The following CNTNAP2 variants were observed in gnomAD, a reference collection of about 807,000 sequenced individuals.
CNTNAP2 encodes contactin-associated protein-like 2.
In CNTNAP2, 98 loss-of-function variants were observed where a neutral mutation model predicts 155.2. The ratio of observed to expected loss-of-function variants is 0.63; its 90% CI spans 0.54 to 0.75. The LOEUF is 0.75. Among genes scored for constraint, CNTNAP2 ranks in the 30% least tolerant of loss-of-function variants. CNTNAP2 has a pLI of 0.00. For synonymous variants in CNTNAP2, 651 were observed against 631.2 expected (o/e 1.03, Z -0.47); for missense variants, 1,727 against 1,688.1 (o/e 1.02, Z -0.40).
intron 1 of CNTNAP2, among the ~76,000 whole-genome samples, chr7:146,661,352 G>C (rs1401631949): frequency 6.6e-6 from 1 of 151,690 alleles, no homozygotes; most frequent in African/African-American, 2.4e-5. Flanking sequence ...TCATGTGTAC[G>C]GTTCTACGAA....
intron 1 of CNTNAP2, among the ~76,000 whole-genome samples, chr7:146,546,686 C>T (rs1363424738): frequency 6.6e-6 from 1 of 151,832 alleles, no homozygotes; most frequent in African/African-American, 2.4e-5. Flanking sequence ...ACTCACAGTT[C>T]CACATGAGGG....
chr7:147,616,980 G>A (rs1336746850), intron 12 of CNTNAP2, among the ~76,000 whole-genome samples: 2 of 152,140 alleles, frequency 1.3e-5, no homozygotes, highest in Non-Finnish European at 2.9e-5. Context: ...CTACGATCGT[G>A]TGCTAGACCT....
chr7:147,139,894 T>C (rs1333209120), intron 8 of CNTNAP2, among the ~76,000 whole-genome samples: 1 of 152,094 alleles, frequency 6.6e-6, no homozygotes, highest in East Asian at 1.9e-4. Context: ...TTACCTTTGG[T>C]AAACATGGTA....
Position 147,392,969 on chromosome 7 carries a change from C to T in CNTNAP2, c.1499-2640C>T, listed in dbSNP as rs148782841. 5.8e-3 allele frequency among the ~76,000 whole-genome samples: 883 copies of T among 152,068 alleles called. 5 individuals carry two copies. The highest frequency in any genetic ancestry group is 0.011 in the Admixed American group (174 of 15,248). On this transcript the variant is annotated intron_variant, in intron 9 of 23. Transcript: ENST00000361727. ...GTGTCACCTTAAAATTAATTTCAAA[C>T]AATGATGAATATTCATTACCTCTCC... is the stretch of plus-strand genomic sequence containing the variant.
chr7:147,096,533 T>G (rs1294336728), intron 4 of CNTNAP2, among the ~76,000 whole-genome samples: 1 of 152,218 alleles, frequency 6.6e-6, no homozygotes, highest in Non-Finnish European at 1.5e-5. Flanking sequence ...CTTGGTCATA[T>G]TGCTATCAAA....
At chr7:148,300,636 C>T (rs10272785) in intron 21 of CNTNAP2, among the ~76,000 whole-genome samples, 56,747 of 149,680 alleles carry the variant, frequency 0.38, 11,705 homozygotes, top group South Asian at 0.56. Context: ...ATGTTCATAG[C>T]AGCATTATTC....
intron 1 of CNTNAP2, among the ~76,000 whole-genome samples, chr7:146,585,070 T>G (rs1484267614): frequency 6.6e-6 from 1 of 152,086 alleles, no homozygotes; most frequent in Non-Finnish European, 1.5e-5. Context: ...TTGGTGGTCC[T>G]AAAATTATTG....
intron 14 of CNTNAP2, among the ~76,000 whole-genome samples, chr7:147,910,094 C>T (rs1035596458): frequency 1.3e-5 from 2 of 152,156 alleles, no homozygotes; most frequent in South Asian, 2.1e-4. Context: ...AAGCCAGAAA[C>T]ATATTTATTT....
intron 2 of CNTNAP2, among the ~76,000 whole-genome samples, chr7:146,785,420 T>G (rs1260217481): frequency 6.6e-6 from 1 of 152,380 alleles, no homozygotes; most frequent in South Asian, 2.1e-4. Context: ...TTTCATGCTG[T>G]ACTTATGCAG....
At chr7:146,471,100 C>CA (rs1163600800) in intron 1 of CNTNAP2, among the ~76,000 whole-genome samples, 1 of 151,872 alleles carries the variant, frequency 6.6e-6, no homozygotes, top group African/African-American at 2.4e-5. Flanking sequence ...TATTATTCCC[C>CA]AAAAAGAGTT....
At chr7:148,125,896 T>G (rs1028110223) in intron 16 of CNTNAP2, among the ~76,000 whole-genome samples, 30 of 151,720 alleles carry the variant, frequency 2.0e-4, no homozygotes, top group African/African-American at 7.0e-4. Flanking sequence ...AGAGACAGGG[T>G]TTCATCATGT....
At chr7:146,173,581 A>G (rs66607831) in intron 1 of CNTNAP2, among the ~76,000 whole-genome samples, 27,987 of 152,092 alleles carry the variant, frequency 0.18, 3,091 homozygotes, top group Middle Eastern at 0.3. Context: ...TTCCTGACCT[A>G]TTTGACAAAT....
intron 1 of CNTNAP2, among the ~76,000 whole-genome samples, chr7:146,668,432 GTGTGTGT>G (rs1463228775): frequency 2.1e-5 from 1 of 48,096 alleles, no homozygotes; most frequent in Non-Finnish European, 5.8e-5. Flanking sequence ...ATTTTCCTGT[GTGTGTGT>G]GTGTGTGTGT....
chr7:146,472,078 A>G (rs1796807387), intron 1 of CNTNAP2, among the ~76,000 whole-genome samples: 2 of 152,214 alleles, frequency 1.3e-5, no homozygotes, highest in South Asian at 4.1e-4. Flanking sequence ...AGCTCAATTT[A>G]ACTTTCCTAC....
At chr7:147,101,871 G>C (rs1037273956) in intron 4 of CNTNAP2, among the ~76,000 whole-genome samples, 2 of 152,248 alleles carry the variant, frequency 1.3e-5, no homozygotes, top group African/African-American at 4.8e-5. Flanking sequence ...AGCACGGCAG[G>C]CCAGGGTGGT....
intron 9 of CNTNAP2, among the ~76,000 whole-genome samples, chr7:147,389,247 G>T (rs1372490989): frequency 6.6e-6 from 1 of 152,176 alleles, no homozygotes; most frequent in African/African-American, 2.4e-5. Context: ...AATCTGCCAA[G>T]ATCAAATTGA....
chr7:146,569,916 A>AT (rs1798415672), intron 1 of CNTNAP2, among the ~76,000 whole-genome samples: 1 of 152,166 alleles, frequency 6.6e-6, no homozygotes, highest in Non-Finnish European at 1.5e-5. Flanking sequence ...ATGAAAAGCC[A>AT]TTGTAGCTTT....
At chr7:148,078,818 G>A (rs778494084) in intron 15 of CNTNAP2, among the ~76,000 whole-genome samples, 29 of 152,148 alleles carry the variant, frequency 1.9e-4, no homozygotes, top group Middle Eastern at 6.8e-3. Context: ...TTGATTTTCC[G>A]AGAAGAAAAA....
intron 8 of CNTNAP2, among the ~76,000 whole-genome samples, chr7:147,269,194 T>C (rs1288704705): frequency 6.6e-6 from 1 of 152,222 alleles, no homozygotes; most frequent in Admixed American, 6.5e-5. Flanking sequence ...TAAAGACTTA[T>C]TTTGTGTGTG....
Sources: gnomAD v4.1 joint callset for allele counts (sites outside exome capture counted in the v4.1 genomes callset) on GRCh38, gnomAD v4.1.1 for gene constraint, MANE v1.5 for transcripts, NCBI Gene and HGNC (gene_info 2026-07-23, HGNC 2026-07-21) for gene names.